Variants in ZNF394 observed in about 807,000 individuals in gnomAD.
ZNF394 encodes the protein zinc finger protein 99.
In ZNF394, 19 loss-of-function variants were observed where a neutral mutation model predicts 21.8. That is an observed-to-expected ratio of 0.87 (90% CI 0.61 to 1.28). ZNF394 has a LOEUF of 1.28. ZNF394 is among the 50% of genes most tolerant of loss of function. The pLI, the probability that ZNF394 is intolerant of heterozygous loss-of-function variation, is 0.00. For missense variants in ZNF394, 683 were observed against 708.6 expected (o/e 0.96, Z 0.41); for synonymous variants, 294 against 273.3 (o/e 1.08, Z -0.75).
intron 1 of ZNF394, chr7:99,487,069 T>C (rs1799999695): frequency 6.2e-7 from 1 of 1,613,978 alleles, no homozygotes; most frequent in Non-Finnish European, 8.5e-7. Context: ...ACCTTATAAA[T>C]GTAGCAAATG....
chr7:99,492,534 G>C (rs562091627), downstream of ZNF394, among the ~76,000 whole-genome samples: 263 of 151,014 alleles, frequency 1.7e-3, 3 homozygotes, highest in Non-Finnish European at 1.7e-3. Context: ...CAAGTACTTG[G>C]AAGGCTGAGG....
chr7:99,486,992 A>G lies in ZNF394; in HGVS notation n.84-29T>C, dbSNP rs756928687. The stretch of plus-strand genomic sequence containing the variant: ...CAAAACAAGCCATACAGATGTCATG[A>G]CTGTGGAAAGTGTTTTCGGCAGCTC... On this transcript the variant is annotated intron_variant and non_coding_transcript_variant, in intron 1 of 1. Transcript: ENST00000462024. The G allele has an allele frequency of 3.7e-6, 6 of 1,614,070 alleles. No homozygotes were observed. In the African/African-American group the frequency reaches 8.0e-5, roughly 22 times the overall value.
intron 2 of ZNF394, among the ~76,000 whole-genome samples, chr7:99,497,051 T>C (rs1004865942): frequency 1.3e-5 from 2 of 148,690 alleles, no homozygotes; most frequent in Non-Finnish European, 3.0e-5. Flanking sequence ...CCAAAGCCTA[T>C]ATATATATGT....
At chr7:99,490,871 G>A (rs1343863446), downstream of ZNF394, among the ~76,000 whole-genome samples, 1 of 151,924 alleles carries the variant, frequency 6.6e-6, no homozygotes, top group East Asian at 1.9e-4. Context: ...CTTAGAGGGA[G>A]GTGTAGGTGC....
chr7:99,497,366 G>A (rs1292572100), intron 2 of ZNF394, among the ~76,000 whole-genome samples: 1 of 150,650 alleles, frequency 6.6e-6, no homozygotes, highest in Middle Eastern at 3.4e-3. Context: ...TTTTTTAGTA[G>A]AGACAGGGTT....
chr7:99,496,179 G>A (rs573013451), intron 2 of ZNF394, among the ~76,000 whole-genome samples: 1 of 150,700 alleles, frequency 6.6e-6, no homozygotes. Flanking sequence ...ATTATAGTAG[G>A]TATTTTAGTA....
chr7:99,497,300 G>A (rs1473237167), intron 2 of ZNF394, among the ~76,000 whole-genome samples: 4 of 149,794 alleles, frequency 2.7e-5, no homozygotes, highest in Non-Finnish European at 4.4e-5. Flanking sequence ...TCAGCCTCCC[G>A]AGTAGCTGGG....
downstream of ZNF394, among the ~76,000 whole-genome samples, chr7:99,492,021 C>T (rs1800172933): frequency 6.8e-6 from 1 of 146,442 alleles, no homozygotes; most frequent in Non-Finnish European, 1.5e-5. Context: ...TGTAGTGAGC[C>T]GAGATTGCGC....
chr7:99,493,847 A>C lies in ZNF394; in HGVS notation c.1368T>G (p.Leu456=), dbSNP rs769969218. Residue 456 remains leucine, a synonymous_variant, in exon 3 of 3, where the codon CTT becomes CTG. Coordinates refer to ENST00000337673, the MANE Select transcript of ZNF394 (RefSeq NM_032164.4). ...ECGETCHISN[L]FRHQRLHKGE... ...CTTTATGTAGTCTCTGATGTCTAAA[A>C]AGGTTGGAAATATGACAGGTTTCCC... 6.2e-7 allele frequency: 1 copy of C among 1,614,042 alleles called. No homozygotes were observed.
At chr7:99,497,395 T>C (rs1452352834) in intron 2 of ZNF394, among the ~76,000 whole-genome samples, 2 of 150,656 alleles carry the variant, frequency 1.3e-5, no homozygotes, top group Non-Finnish European at 3.0e-5. Flanking sequence ...TTAGCCAGGA[T>C]AGTCTCAATC....
rs1800226259 is a variant in ZNF394 at position 99,494,014 on chromosome 7, G to A, written c.1201C>T (p.Leu401=). The A allele has an allele frequency of 1.2e-6, 2 of 1,614,148 alleles. No homozygotes were observed. The highest frequency in any genetic ancestry group is 1.7e-6 in the Non-Finnish European group (2 of 1,180,034). The part of the protein sequence containing the change: ...CGKSFSQSAA[L]TKHQRTHTGE... Reference sequence around the variant, plus strand: ...GTGTGTGTCCTCTGGTGCTTGGTCAGGGCAGCACTCTGGCTGAAGCTTTTC... The same window carrying A: ...GTGTGTGTCCTCTGGTGCTTGGTCAAGGCAGCACTCTGGCTGAAGCTTTTC... Residue 401 remains leucine (L), a synonymous_variant, in exon 3 of 3, where the codon CTG becomes TTG. Transcript: ENST00000337673.
Position 99,493,668 on chromosome 7 carries a change from T to G in ZNF394, c.1547A>C (p.Gln516Pro). The G allele has an allele frequency of 6.2e-7, 1 of 1,614,256 alleles. No individual in the cohort carries two copies. Among genetic ancestry groups the G allele is most frequent in the East Asian group, 2.2e-5 (1 of 44,892 alleles). ...FNQSATLIKH[Q>P]RIHTGEKPYK... is the part of the protein sequence containing the mutation. ...AGGCTTTTCCCCAGTGTGAATTCTC[T>G]GGTGTTTAATGAGGGTTGCACTCTG... The change falls in exon 3 of 3, where the codon CAG becomes CCG. Residue 516 changes from glutamine (Q) to proline (P), a missense_variant. By Grantham distance (76) the Gln-to-Pro change is moderately conservative. This residue lies in a region of ZNF394 where 274 missense variants were observed against 314.1 expected (regional missense o/e 0.87). Coordinates refer to ENST00000337673, the MANE Select transcript of ZNF394 (RefSeq NM_032164.4).
At position 99,493,372 on chromosome 7, in the gene ZNF394, T is replaced by G; in HGVS notation, c.*157A>C. Reference sequence around the variant, plus strand: ...CCTGGGTTCAAGTGATTCTCCTACCTCAGCCTCCCGAATAGCTGGGCTTAC... The same window carrying G: ...CCTGGGTTCAAGTGATTCTCCTACCGCAGCCTCCCGAATAGCTGGGCTTAC... On this transcript the variant is annotated 3_prime_UTR_variant, in exon 3 of 3. Transcript: ENST00000337673. 2.0e-6 allele frequency: 2 copies of G among 1,015,084 alleles called. No homozygotes were observed. The highest frequency in any genetic ancestry group is 3.7e-5 in the South Asian group (2 of 54,044). The allele number at this position is 1,015,084 out of a possible 1,614,324, so 62.9% of individuals were successfully genotyped here. A position where few individuals can be genotyped will look rare whatever the true frequency, so the allele number is the denominator to read the frequency against.
At chr7:99,487,560 G>C in intron 1 of ZNF394, 1 of 1,503,948 alleles carries the variant, frequency 6.6e-7, no homozygotes, top group Non-Finnish European at 8.9e-7. Context: ...TCACGTAATT[G>C]TTTCCATGAA....
exon 2 of ZNF394, chr7:99,486,807 G>C: frequency 1.2e-6 from 2 of 1,614,224 alleles, no homozygotes. Flanking sequence ...CAAGAGCAAA[G>C]TCTTATGAAT....
At position 99,499,655 on chromosome 7, in the gene ZNF394, C is replaced by G. The variant is rs1301873675; in HGVS notation, c.439G>C (p.Asp147His). 1 of 1,598,358 alleles carries G rather than the reference C, an allele frequency of 6.3e-7. No homozygotes were observed. Among genetic ancestry groups the G allele is most frequent in the South Asian group, 1.1e-5 (1 of 89,798 alleles). ...AVVRALQRAL[D>H]GTSSQGMVTF... ...CTTCTCACCTGGGATGAGGTTCCATCGAGCGCTCGCTGCAGAGCCCGCACC... is the reference window on the plus strand; with the variant it reads ...CTTCTCACCTGGGATGAGGTTCCATGGAGCGCTCGCTGCAGAGCCCGCACC... The change falls in exon 1 of 3, where the codon GAT becomes CAT. Residue 147 changes from aspartate to histidine, a missense_variant. Around this residue, in one of 3 missense-constraint regions of ZNF394, gnomAD observed 402 missense variants for 373.8 expected, o/e 1.08. Coordinates refer to ENST00000337673, the MANE Select transcript of ZNF394 (RefSeq NM_032164.4).
chr7:99,499,749 G>A lies in ZNF394; in HGVS notation c.345C>T (p.Ile115=), dbSNP rs937931767. ...CCCAGGCTTGAAGCTCCTCGGGCAG[G>A]ATGGTGAGGAACTGCTCCAGCACCA... ...ELLVLEQFLT[I]LPEELQAWVR... The change falls in exon 1 of 3, where the codon ATC becomes ATT. Residue 115 remains isoleucine (I), a synonymous_variant. Coordinates refer to ENST00000337673, the MANE Select transcript of ZNF394 (RefSeq NM_032164.4). 5.6e-6 allele frequency: 9 copies of A among 1,614,014 alleles called. No individual in the cohort carries two copies. In the African/African-American group the frequency reaches 1.1e-4, roughly 19 times the overall value.
rs192140804 is a variant in ZNF394, at chr7:99,493,469, C to G, written c.*60G>C. On this transcript the variant is annotated 3_prime_UTR_variant, in exon 3 of 3. Coordinates refer to ENST00000337673, the MANE Select transcript of ZNF394 (RefSeq NM_032164.4). ...ACAGGATTTTACCATGTTGGCCAGG[C>G]TGGTTTCAAACTCCTGATCTCAAAT... The G allele has an allele frequency of 9.0e-5, 126 of 1,407,688 alleles. No individual in the cohort carries two copies. In the East Asian group the frequency reaches 2.4e-3, roughly 27 times the overall value. The allele number at this position is 1,407,688 out of a possible 1,614,324, so 87.2% of individuals were successfully genotyped here. A position where few individuals can be genotyped will look rare whatever the true frequency, so the allele number is the denominator to read the frequency against.
chr7:99,497,269 G>C (rs1800365163), intron 2 of ZNF394, among the ~76,000 whole-genome samples: 1 of 150,768 alleles, frequency 6.6e-6, no homozygotes, highest in African/African-American at 2.4e-5. Flanking sequence ...CCCAGGTTCA[G>C]GTTCACGCCA....
Sources: gnomAD v4.1 joint callset for allele counts (sites outside exome capture counted in the v4.1 genomes callset) on GRCh38, gnomAD v4.1.1 for gene constraint, gnomAD v4.1.1 regional missense constraint, MANE v1.5 for transcripts, NCBI Gene and HGNC (gene_info 2026-07-23, HGNC 2026-07-21) for gene names.